Variants in CHRM3 observed in about 807,000 individuals in gnomAD.
CHRM3 encodes the protein muscarinic acetylcholine receptor M3.
CHRM3 carries 11 observed loss-of-function variants against 41.8 expected under a neutral mutation model. That is an observed-to-expected ratio of 0.26 (90% CI 0.17 to 0.44). The LOEUF is 0.44. CHRM3 is among the 20% of genes least tolerant of loss of function. The pLI is 1.00. For missense variants in CHRM3, 571 were observed against 745.4 expected (o/e 0.77, Z 2.72); for synonymous variants, 297 against 301.4 (o/e 0.99, Z 0.15).
At chr1:239,680,082 C>G (rs1658417525) in intron 5 of CHRM3, among the ~76,000 whole-genome samples, 1 of 152,114 alleles carries the variant, frequency 6.6e-6, no homozygotes. Flanking sequence ...GTAAAAACAT[C>G]TCCCAAGTCC....
chr1:239,427,362 G>A (rs1289949701), intron 1 of CHRM3, among the ~76,000 whole-genome samples: 3 of 152,250 alleles, frequency 2.0e-5, no homozygotes, highest in South Asian at 2.1e-4. Flanking sequence ...AGGGTTGAAC[G>A]GAAGGAGCAT....
At chr1:239,889,002 G>T (rs1335683120) in intron 6 of CHRM3, among the ~76,000 whole-genome samples, 5 of 152,152 alleles carry the variant, frequency 3.3e-5, no homozygotes, top group Non-Finnish European at 5.9e-5. Context: ...CTCATTGTCT[G>T]GGGTGATAAC....
In CHRM3 at chr1:239,764,194, G is replaced by T. The variant is rs746306520; in HGVS notation, c.-146-63058G>T. Among the ~76,000 whole-genome samples the T allele has an allele frequency of 2.6e-5, 4 of 152,018 alleles. No individual in the cohort carries two copies. The East Asian group carries it at 7.7e-4, about 29-fold the overall frequency. On this transcript the variant is annotated intron_variant, in intron 5 of 6. Coordinates refer to ENST00000676153, the MANE Select transcript of CHRM3 (RefSeq NM_001375978.1). ...CAGAGTTAGTAATTTGTCCTACTGT[G>T]CCACCTTCATTAATGTGGTTATCTT...
chr1:239,482,286 A>C (rs1163282783), intron 1 of CHRM3, among the ~76,000 whole-genome samples: 1 of 152,112 alleles, frequency 6.6e-6, no homozygotes, highest in Non-Finnish European at 1.5e-5. Flanking sequence ...TCTTTTCTGC[A>C]TGACTTTTTT....
chr1:239,818,785 G>A (rs1671801366), intron 5 of CHRM3, among the ~76,000 whole-genome samples: 1 of 152,208 alleles, frequency 6.6e-6, no homozygotes, highest in African/African-American at 2.4e-5. Flanking sequence ...GCAGGAAAGG[G>A]CTGAAGAAGG....
At chr1:239,662,912 T>TCTTCTTCTTTTCTTCTTCTTCTTCTTCTC (rs1673382514) in intron 4 of CHRM3, among the ~76,000 whole-genome samples, 2 of 105,246 alleles carry the variant, frequency 1.9e-5, no homozygotes, top group African/African-American at 6.6e-5. Flanking sequence ...TTCTTCTTCT[T>TCTTCTTCTTTTCTTCTTCTTCTTCTTCTC]CTTCTTCTTC....
intron 1 of CHRM3, among the ~76,000 whole-genome samples, chr1:239,479,856 T>A (rs1666715453): frequency 6.6e-6 from 1 of 152,112 alleles, no homozygotes; most frequent in Admixed American, 6.5e-5. Flanking sequence ...AGTGAGTGGG[T>A]GGTGAATGAA....
chr1:239,623,703 G>A (rs1469901536), intron 3 of CHRM3, among the ~76,000 whole-genome samples: 1 of 67,536 alleles, frequency 1.5e-5, no homozygotes, highest in Non-Finnish European at 2.9e-5. Context: ...CTGTGTCCAT[G>A]TGATCTCATT....
chr1:239,552,094 C>T (rs965283920), intron 3 of CHRM3, among the ~76,000 whole-genome samples: 4 of 150,542 alleles, frequency 2.7e-5, no homozygotes, highest in Non-Finnish European at 5.9e-5. Flanking sequence ...ATAATAATTA[C>T]TATTGAATGA....
intron 1 of CHRM3, among the ~76,000 whole-genome samples, chr1:239,488,787 A>G (rs1042402609): frequency 1.3e-5 from 2 of 150,636 alleles, no homozygotes; most frequent in Non-Finnish European, 3.0e-5. Flanking sequence ...TGATACAGGT[A>G]TAAGACATCT....
intron 3 of CHRM3, among the ~76,000 whole-genome samples, chr1:239,610,620 A>G (rs1666908092): frequency 6.6e-6 from 1 of 152,174 alleles, no homozygotes. Context: ...CCCTTTTTAA[A>G]ATGAGAAAAC....
At chr1:239,480,128 A>C (rs534317129) in intron 1 of CHRM3, among the ~76,000 whole-genome samples, 1 of 152,310 alleles carries the variant, frequency 6.6e-6, no homozygotes, top group Non-Finnish European at 1.5e-5. Context: ...AGAAAAAATG[A>C]GTATTAAATA....
intron 5 of CHRM3, among the ~76,000 whole-genome samples, chr1:239,716,300 G>A (rs1361824200): frequency 6.6e-6 from 1 of 152,076 alleles, no homozygotes; most frequent in Non-Finnish European, 1.5e-5. Context: ...GTTGGTTGGC[G>A]CTGTTTAGAG....
intron 3 of CHRM3, among the ~76,000 whole-genome samples, chr1:239,619,087 G>A (rs2148802922): frequency 1.3e-5 from 2 of 151,232 alleles, no homozygotes; most frequent in South Asian, 4.2e-4. Flanking sequence ...GCTAATTTTT[G>A]TATTTTTAGT....
chr1:239,520,930 A>G (rs1401808424), intron 2 of CHRM3, among the ~76,000 whole-genome samples: 2 of 152,190 alleles, frequency 1.3e-5, no homozygotes, highest in East Asian at 3.9e-4. Flanking sequence ...TCCTGATAAA[A>G]ATCCTCTCTC....
intron 5 of CHRM3, among the ~76,000 whole-genome samples, chr1:239,759,430 G>T (rs576004059): frequency 1.4e-4 from 22 of 151,728 alleles, no homozygotes; most frequent in Non-Finnish European, 3.1e-4. Flanking sequence ...TTTAAAAGCC[G>T]CAGCAAAGGA....
In CHRM3 at chr1:239,765,048, C is replaced by A. The variant is rs539707018; in HGVS notation, c.-146-62204C>A. ...TGGGCCATCTGGAATCACAGACTTA[C>A]AACAGTGTGAAAATGAAAGGAGCCT... is the stretch of plus-strand genomic sequence containing the variant. On this transcript the variant is annotated intron_variant, in intron 5 of 6. Coordinates refer to ENST00000676153, the MANE Select transcript of CHRM3 (RefSeq NM_001375978.1). Among the ~76,000 whole-genome samples the A allele has an allele frequency of 5.9e-5, 9 of 152,270 alleles. No homozygotes were observed. The South Asian group carries it at 1.7e-3, about 28-fold the overall frequency.
intron 6 of CHRM3, among the ~76,000 whole-genome samples, chr1:239,838,078 A>G (rs1572448420): frequency 6.6e-6 from 1 of 152,224 alleles, no homozygotes; most frequent in Non-Finnish European, 1.5e-5. Context: ...TTATATATGA[A>G]TTGAATCTTA....
At chr1:239,879,581 G>A (rs1371914200) in intron 6 of CHRM3, among the ~76,000 whole-genome samples, 5 of 152,196 alleles carry the variant, frequency 3.3e-5, no homozygotes, top group East Asian at 1.9e-4. Flanking sequence ...TCAGGCTCCC[G>A]GGTGAACTGG....
Sources: gnomAD v4.1 joint callset for allele counts (sites outside exome capture counted in the v4.1 genomes callset) on GRCh38, gnomAD v4.1.1 for gene constraint, MANE v1.5 for transcripts, NCBI Gene and HGNC (gene_info 2026-07-23, HGNC 2026-07-21) for gene names.